DPF3: variants seen among roughly 807,000 people sequenced by gnomAD.
DPF3 encodes the protein double PHD fingers 3.
In DPF3, 18 loss-of-function variants were observed where a neutral mutation model predicts 56.8. That is an observed-to-expected ratio of 0.32 (90% CI 0.22 to 0.47). The LOEUF (loss-of-function observed/expected upper bound fraction) is 0.47, where lower values mean the gene tolerates loss of function less well. Ranked by LOEUF, DPF3 falls within the 20% of genes least tolerant of loss-of-function variation. DPF3 has a pLI of 1.00. For missense variants in DPF3, 403 were observed against 488.8 expected, an observed-to-expected ratio of 0.82 and a Z score of 1.65; for synonymous variants, 188 against 180.2, an observed-to-expected ratio of 1.04 and a Z score of -0.35.
intron 1 of DPF3, among the ~76,000 whole-genome samples, chr14:72,818,568 A>C (rs972242511): frequency 6.6e-5 from 10 of 152,206 alleles, no homozygotes. Flanking sequence ...TCCCAGCTAC[A>C]TCGCAGGCTG....
At chr14:72,859,760 A>G (rs1332202287) in intron 1 of DPF3, among the ~76,000 whole-genome samples, 1 of 152,096 alleles carries the variant, frequency 6.6e-6, no homozygotes, top group Non-Finnish European at 1.5e-5. Flanking sequence ...TGCTACCTTC[A>G]CAGAGTTTTC....
intron 2 of DPF3, among the ~76,000 whole-genome samples, chr14:72,758,467 C>T (rs1282138793): frequency 6.6e-6 from 1 of 152,060 alleles, no homozygotes; most frequent in African/African-American, 2.4e-5. Context: ...TGACTAGAAC[C>T]CAAGGAACTG....
At chr14:72,805,192 T>G (rs1882709240) in intron 1 of DPF3, among the ~76,000 whole-genome samples, 2 of 152,194 alleles carry the variant, frequency 1.3e-5, no homozygotes, top group African/African-American at 4.8e-5. Context: ...CACAGAAGGC[T>G]GGGCACAGTG....
chr14:72,882,943 G>A (rs1385026107), intron 1 of DPF3, among the ~76,000 whole-genome samples: 1 of 152,192 alleles, frequency 6.6e-6, no homozygotes, highest in Admixed American at 6.5e-5. Context: ...AGTCTCTATT[G>A]GAGTGGAAGC....
intron 1 of DPF3, among the ~76,000 whole-genome samples, chr14:72,816,050 C>T (rs1420621272): frequency 6.6e-6 from 1 of 152,194 alleles, no homozygotes; most frequent in Non-Finnish European, 1.5e-5. Context: ...TACCCAAGGT[C>T]CAGGACACAG....
intron 1 of DPF3, among the ~76,000 whole-genome samples, chr14:72,868,884 T>A (rs1391091020): frequency 6.6e-6 from 1 of 152,186 alleles, no homozygotes; most frequent in Admixed American, 6.5e-5. Flanking sequence ...CCGGGCTCCA[T>A]CACTAAATCT....
intron 6 of DPF3, among the ~76,000 whole-genome samples, chr14:72,713,266 G>A (rs1299360145): frequency 2.6e-5 from 4 of 152,232 alleles, no homozygotes; most frequent in Admixed American, 2.0e-4. Context: ...GCAGCCAAAT[G>A]GGAGTCATGG....
rs540271822 is a variant in DPF3 at position 72,714,622 on chromosome 14, A to G, written c.526-121T>C. The stretch of plus-strand genomic sequence containing the variant: ...CAACTTTTGTGCCAACACCAGTCCC[A>G]TCTTACAGGGGAGGAAACTGAGGCC... On this transcript the variant is annotated intron_variant, in intron 5 of 10. Coordinates refer to ENST00000556509, the MANE Select transcript of DPF3 (RefSeq NM_001280542.3). 1.6e-3 allele frequency: 1,729 copies of G among 1,096,982 alleles called. 6 individuals carry two copies. Among genetic ancestry groups the G allele is most frequent in the South Asian group, 2.6e-3 (170 of 66,038 alleles). The allele number at this position is 1,096,982 out of a possible 1,614,324, so 68.0% of individuals were successfully genotyped here. A position where few individuals can be genotyped will look rare whatever the true frequency, so the allele number is the denominator to read the frequency against.
intron 8 of DPF3, chr14:72,670,243 G>A (rs938721914): frequency 7.1e-6 from 7 of 985,936 alleles, no homozygotes; most frequent in Non-Finnish European, 8.4e-6. Context: ...CTCGGGTGGT[G>A]GAGTCACTGC....
intron 1 of DPF3, among the ~76,000 whole-genome samples, chr14:72,881,510 C>T (rs770008471): frequency 1.3e-5 from 2 of 152,124 alleles, no homozygotes; most frequent in Admixed American, 6.5e-5. Context: ...CGGAATCCAC[C>T]GTCCCTTCCC....
At chr14:72,826,003 CA>C (rs1883783411) in intron 1 of DPF3, among the ~76,000 whole-genome samples, 1 of 150,620 alleles carries the variant, frequency 6.6e-6, no homozygotes, top group African/African-American at 2.4e-5. Flanking sequence ...CAGATGGGGG[CA>C]GGGGCGGGAA....
At position 72,731,845 on chromosome 14, in the gene DPF3, C is replaced by A. The variant is rs200740081; in HGVS notation, c.391G>T (p.Val131Leu). 1.2e-4 allele frequency: 193 copies of A among 1,613,342 alleles called. 1 individual carries two copies. The African/African-American group carries it at 2.4e-3, about 20-fold the overall frequency. ...ATGCTTTCCTCCTCCCTGGCATCCA[C>A]CTTCTTCTCAACCCCCTCGCCACGG... ...LLRGEGVEKKVDAREEESIQE... is the reference protein window; with the variant it reads ...LLRGEGVEKKLDAREEESIQE... The change falls in exon 4 of 11, where the codon GTG becomes TTG. Residue 131 changes from valine (V) to leucine (L), a missense_variant. Physicochemically the swap from Val to Leu is conservative, Grantham distance 32. Coordinates refer to ENST00000556509, the MANE Select transcript of DPF3 (RefSeq NM_001280542.3).
chr14:72,682,882 CAATTTGACAGTACAACCT>C (rs1887221975), intron 7 of DPF3, among the ~76,000 whole-genome samples: 1 of 152,212 alleles, frequency 6.6e-6, no homozygotes, highest in African/African-American at 2.4e-5. Context: ...GCTGCCCCTT[CAATTTGACAGTACAACCT>C]AACTCCTGGC....
intron 6 of DPF3, among the ~76,000 whole-genome samples, chr14:72,703,398 G>A (rs1460629571): frequency 3.3e-5 from 5 of 152,180 alleles, no homozygotes; most frequent in Non-Finnish European, 5.9e-5. Flanking sequence ...CATCAAGGGA[G>A]AGTGTCCTGC....
intron 1 of DPF3, among the ~76,000 whole-genome samples, chr14:72,884,528 C>T (rs929973348): frequency 2.6e-5 from 4 of 151,912 alleles, no homozygotes; most frequent in African/African-American, 7.3e-5. Context: ...TGGGCCGCTG[C>T]GGGGAAGCCA....
At position 72,642,044 on chromosome 14, in the gene DPF3, G is replaced by A. The variant is rs367819411; in HGVS notation, c.872-12308C>T. On this transcript the variant is annotated intron_variant, in intron 8 of 10. Transcript: ENST00000556509. ...CCAGCAAAGAACTGAGACTCTCAAC[G>A]CAGCAGCTCATGAGGACCTGAGGCC... Among the ~76,000 whole-genome samples, 8 of 152,214 alleles carry A rather than the reference G, an allele frequency of 5.3e-5. 1 individual carries two copies. The highest frequency in any genetic ancestry group is 1.9e-4 in the African/African-American group (8 of 41,454).
chr14:72,824,545 C>T (rs1426011121), intron 1 of DPF3, among the ~76,000 whole-genome samples: 2 of 128,882 alleles, frequency 1.6e-5, no homozygotes, highest in Non-Finnish European at 3.5e-5. Context: ...TTTACGTTTT[C>T]TTTTTCTTTT....
chr14:72,884,139 C>A (rs1342670427), intron 1 of DPF3, among the ~76,000 whole-genome samples: 2 of 152,094 alleles, frequency 1.3e-5, no homozygotes, highest in Non-Finnish European at 2.9e-5. Context: ...CTCTACCAAC[C>A]GCGCTTCTGC....
At chr14:72,840,240 G>A (rs773196105) in intron 1 of DPF3, among the ~76,000 whole-genome samples, 1 of 152,150 alleles carries the variant, frequency 6.6e-6, no homozygotes, top group African/African-American at 2.4e-5. Context: ...CCAAGCTCTC[G>A]CCAAGGTAAC....
Sources: allele counts gnomAD v4.1 joint callset (sites outside exome capture counted in the v4.1 genomes callset), GRCh38; gene constraint gnomAD v4.1.1; transcripts MANE v1.5; gene names NCBI Gene and HGNC (gene_info 2026-07-23, HGNC 2026-07-21).